PCDHGB1: variants seen among roughly 807,000 people sequenced by gnomAD.
PCDHGB1 encodes the protein protocadherin gamma-B1.
In PCDHGB1, 34 loss-of-function variants were observed where a neutral mutation model predicts 56.6. The ratio of observed to expected loss-of-function variants is 0.60; its 90% CI spans 0.46 to 0.80. The LOEUF is 0.80. PCDHGB1 is among the 30% of genes least tolerant of loss of function. The pLI is 0.00. For missense variants in PCDHGB1, 1,278 were observed against 1,204.6 expected, an observed-to-expected ratio of 1.06 and a Z score of -0.90; for synonymous variants, 561 against 505.9, an observed-to-expected ratio of 1.11 and a Z score of -1.46.
chr5:141,385,672 C>A, intron 1 of PCDHGB1: 2 of 389,948 alleles, frequency 5.1e-6, no homozygotes, highest in Non-Finnish European at 7.4e-6. Flanking sequence ...ATAAAACACA[C>A]CTCAGCTGTC....
At chr5:141,365,109 G>T in intron 1 of PCDHGB1, 1 of 1,613,846 alleles carries the variant, frequency 6.2e-7, no homozygotes, top group African/African-American at 1.3e-5. Flanking sequence ...GTGGGCACTC[G>T]GCTGCTCATG....
At chr5:141,388,824 T>G (rs760173455) in intron 1 of PCDHGB1, 1 of 1,613,960 alleles carries the variant, frequency 6.2e-7, no homozygotes, top group East Asian at 2.2e-5. Flanking sequence ...CAAAGAATAT[T>G]CCATAGTTTT....
chr5:141,380,834 G>A (rs559775684), intron 1 of PCDHGB1, among the ~76,000 whole-genome samples: 114 of 152,272 alleles, frequency 7.5e-4, no homozygotes, highest in Admixed American at 3.9e-3. Flanking sequence ...TGAGGCATCA[G>A]GTAAAAATGG....
At chr5:141,372,999 A>T (rs978002014) in intron 1 of PCDHGB1, among the ~76,000 whole-genome samples, 9 of 152,148 alleles carry the variant, frequency 5.9e-5, no homozygotes, top group Non-Finnish European at 7.3e-5. Flanking sequence ...TTGTTCTTTC[A>T]TAGAAAGCCT....
chr5:141,419,018 AG>A (rs2096314197), intron 1 of PCDHGB1: 1 of 1,613,838 alleles, frequency 6.2e-7, no homozygotes, highest in African/African-American at 1.3e-5. Context: ...GTGTAGCTTA[AG>A]TAGAGGTGTT....
At position 141,351,797 on chromosome 5, in the gene PCDHGB1, C is replaced by G. The variant is rs773768523; in HGVS notation, c.1537C>G (p.Gln513Glu). The change falls in exon 1 of 4, where the codon CAG becomes GAG. Residue 513 changes from glutamine to glutamate, a missense_variant. Transcript: ENST00000523390. Reference sequence around the variant, plus strand: ...CCCGCAGAGCGGGGTGGTGTTCGCGCAGCGCGCCTTCGACCACGAGCAGCT... The same window carrying G: ...CCCGCAGAGCGGGGTGGTGTTCGCGGAGCGCGCCTTCGACCACGAGCAGCT... Reference protein sequence around the residue: ...VSPQSGVVFAQRAFDHEQLRA... With the variant: ...VSPQSGVVFAERAFDHEQLRA... The G allele has an allele frequency of 6.2e-7, 1 of 1,613,362 alleles. No individual in the cohort carries two copies. Among genetic ancestry groups the G allele is most frequent in the Non-Finnish European group, 8.5e-7 (1 of 1,179,906 alleles).
At chr5:141,360,619 G>T in intron 1 of PCDHGB1, 1 of 1,614,012 alleles carries the variant, frequency 6.2e-7, no homozygotes, top group East Asian at 2.2e-5. Context: ...GGATTCAGAT[G>T]TTGGTCCTAA....
In PCDHGB1 at chr5:141,486,936, A is replaced by G; in HGVS notation, c.2410-7871A>G. 2 of 1,614,184 alleles carry G rather than the reference A, an allele frequency of 1.2e-6. No individual in the cohort carries two copies. Among genetic ancestry groups the G allele is most frequent in the Non-Finnish European group, 1.7e-6 (2 of 1,180,030 alleles). On this transcript the variant is annotated intron_variant, in intron 1 of 3. Transcript: ENST00000523390. This position sits in a 1 kb window ranked among gnomAD's most constrained non-coding sequence, Gnocchi z 5.0. ...CTGCCTCCATCAGTTGGTGCTGGCC[A>G]CCTAATCACAAAGGTGACTGCTGTG...
At chr5:141,395,067 AC>A (rs1479370833) in intron 1 of PCDHGB1, 1 of 1,613,888 alleles carries the variant, frequency 6.2e-7, no homozygotes, top group African/African-American at 1.3e-5. Flanking sequence ...TTTCCTGCAG[AC>A]CTATTCCCAG....
chr5:141,408,801 T>C, intron 1 of PCDHGB1: 1 of 1,613,142 alleles, frequency 6.2e-7, no homozygotes, highest in Admixed American at 1.7e-5. Context: ...GAGAAACTCC[T>C]AGACCGGGAA....
intron 1 of PCDHGB1, among the ~76,000 whole-genome samples, chr5:141,369,416 C>T (rs1766232805): frequency 6.6e-6 from 1 of 152,038 alleles, no homozygotes; most frequent in Non-Finnish European, 1.5e-5. Flanking sequence ...ACTATAATCC[C>T]AGCAATTTGG....
At position 141,476,717 on chromosome 5, in the gene PCDHGB1, G is replaced by A. The variant is rs2099397053; in HGVS notation, c.2410-18090G>A. 6.2e-7 allele frequency: 1 copy of A among 1,614,048 alleles called. No homozygotes were observed. The stretch of plus-strand genomic sequence containing the variant: ...GTACGCGGAGCTGGTGTTGGAGCGC[G>A]CCCTGGACCGAGAACGGGAGCCTAG... On this transcript the variant is annotated intron_variant, in intron 1 of 3. Transcript: ENST00000523390. This position sits in a 1 kb window ranked among gnomAD's most constrained non-coding sequence, Gnocchi z 7.6.
chr5:141,368,754 T>C (rs537893432), intron 1 of PCDHGB1, among the ~76,000 whole-genome samples: 30 of 152,222 alleles, frequency 2.0e-4, no homozygotes, highest in Non-Finnish European at 3.5e-4. Flanking sequence ...TTTAAATATC[T>C]GAATCTTTAG....
chr5:141,382,075 C>T (rs1474505918), intron 1 of PCDHGB1, among the ~76,000 whole-genome samples: 3 of 151,956 alleles, frequency 2.0e-5, no homozygotes, highest in Non-Finnish European at 4.4e-5. Flanking sequence ...GTGATCCGCC[C>T]GCCTCGGCCT....
intron 1 of PCDHGB1, among the ~76,000 whole-genome samples, chr5:141,461,881 T>C (rs2099025428): frequency 6.6e-6 from 1 of 152,060 alleles, no homozygotes. Flanking sequence ...TGGAGTGCAA[T>C]GGCACGATCT....
At chr5:141,365,912 C>G in intron 1 of PCDHGB1, 1 of 1,614,238 alleles carries the variant, frequency 6.2e-7, no homozygotes, top group Non-Finnish European at 8.5e-7. Flanking sequence ...GTTGAGAGAC[C>G]TACAGTTGTG....
rs756857668 is a variant in PCDHGB1, at chr5:141,389,399, A to C, written c.2409+36730A>C. ...GGGAGCTGTCATCCTACGTGTCCAT[A>C]AGCGCGGAGAGCGGGGTGGTGTTCG... On this transcript the variant is annotated intron_variant, in intron 1 of 3. Coordinates refer to ENST00000523390, the MANE Select transcript of PCDHGB1 (RefSeq NM_018922.3). 67 of 1,613,528 alleles carry C rather than the reference A, an allele frequency of 4.2e-5. 1 individual carries two copies. Among genetic ancestry groups the C allele is most frequent in the South Asian group, 5.5e-5 (5 of 91,094 alleles).
intron 1 of PCDHGB1, among the ~76,000 whole-genome samples, chr5:141,450,061 C>A (rs1219642208): frequency 7.2e-6 from 1 of 139,334 alleles, no homozygotes; most frequent in Non-Finnish European, 1.5e-5. Context: ...GGCTGGAATG[C>A]AGTGGTATGA....
Position 141,491,930 on chromosome 5 carries a change from G to A in PCDHGB1, c.2410-2877G>A, listed in dbSNP as rs2099735399. On this transcript the variant is annotated intron_variant, in intron 1 of 3. Transcript: ENST00000523390. The surrounding 1 kb of genome is among the most constrained non-coding windows in gnomAD (Gnocchi z 6.9). ...GTGGCGACTGTGGGCGAGGGGAGGT[G>A]GGACCGACCCCCACCCCTACACTCA... 1.6e-6 allele frequency: 2 copies of A among 1,276,580 alleles called. No homozygotes were observed. The highest frequency in any genetic ancestry group is 2.1e-6 in the Non-Finnish European group (2 of 943,112). 79.1% of individuals were successfully genotyped at this position (1,276,580 alleles called of 1,614,324 possible).
Sources: gnomAD v4.1 joint callset for allele counts (sites outside exome capture counted in the v4.1 genomes callset) on GRCh38, gnomAD v4.1.1 for gene constraint, Gnocchi (gnomAD v3.1) non-coding constraint, MANE v1.5 for transcripts, NCBI Gene and HGNC (gene_info 2026-07-23, HGNC 2026-07-21) for gene names.